The following DISP1 variants were observed in gnomAD, a reference collection of about 807,000 sequenced individuals.
The protein encoded by DISP1 is protein dispatched homolog 1.
A neutral mutation model predicts 37.3 loss-of-function variants in DISP1; 30 were observed. That is an observed-to-expected ratio of 0.80 (90% confidence interval 0.60 to 1.09). The LOEUF (loss-of-function observed/expected upper bound fraction) is 1.09, where lower values mean the gene tolerates loss of function less well. DISP1 is among the 50% of genes least tolerant of loss of function. The pLI, the probability that DISP1 is intolerant of heterozygous loss-of-function variation, is 0.00. For synonymous variants in DISP1, 634 were observed against 690.2 expected (o/e 0.92, Z 1.28); for missense variants, 1,598 against 1,879.5 (o/e 0.85, Z 2.77).
chr1:223,004,493 G>T lies in DISP1; in HGVS notation c.3096G>T (p.Trp1032Cys), dbSNP rs758139027. ...VTVGSLVLLG[W>C]ELNVLESVTI... Reference sequence around the variant, plus strand: ...TTGGTTCTCTTGTCCTGCTGGGCTGGGAGCTCAATGTGTTGGAATCTGTCA... The same window carrying T: ...TTGGTTCTCTTGTCCTGCTGGGCTGTGAGCTCAATGTGTTGGAATCTGTCA... Residue 1032 changes from tryptophan (W) to cysteine (C), a missense_variant, in exon 9 of 9, where the codon TGG (tryptophan) becomes TGT (cysteine). Transcript: ENST00000675850. This position sits in a 1 kb window ranked among gnomAD's most constrained non-coding sequence, Gnocchi z 4.9. 6.2e-7 allele frequency: 1 copy of T among 1,614,226 alleles called. No individual in the cohort carries two copies. Among genetic ancestry groups the T allele is most frequent in the Non-Finnish European group, 8.5e-7 (1 of 1,180,042 alleles).
At chr1:222,908,374 T>A (rs886185445) in intron 1 of DISP1, among the ~76,000 whole-genome samples, 74 of 152,044 alleles carry the variant, frequency 4.9e-4, no homozygotes, top group African/African-American at 1.6e-3. Context: ...TTAAAAAGGG[T>A]TGTGTGAGGA....
chr1:222,870,258 A>C (rs1005185525), intron 1 of DISP1, among the ~76,000 whole-genome samples: 1 of 152,174 alleles, frequency 6.6e-6, no homozygotes, highest in Non-Finnish European at 1.5e-5. Flanking sequence ...ATACGTGTGC[A>C]TGTGTCTTTA....
chr1:222,851,539 A>G (rs955590756), intron 1 of DISP1, among the ~76,000 whole-genome samples: 5 of 152,184 alleles, frequency 3.3e-5, no homozygotes, highest in Non-Finnish European at 7.4e-5. Context: ...GAAACTTTCT[A>G]TACAATAAAA....
At chr1:222,907,804 G>T (rs1216103678) in intron 1 of DISP1, among the ~76,000 whole-genome samples, 1 of 152,052 alleles carries the variant, frequency 6.6e-6, no homozygotes, top group Non-Finnish European at 1.5e-5. Flanking sequence ...ATAAAAATCA[G>T]CCAGGCATGG....
intron 1 of DISP1, among the ~76,000 whole-genome samples, chr1:222,914,742 T>C (rs1447759396): frequency 6.6e-6 from 1 of 152,132 alleles, no homozygotes; most frequent in Non-Finnish European, 1.5e-5. Flanking sequence ...GAGGATCTCT[T>C]GAGCCCAAGA....
intron 2 of DISP1, among the ~76,000 whole-genome samples, chr1:222,941,664 GA>G (rs1005674099): frequency 1.1e-4 from 17 of 152,086 alleles, no homozygotes; most frequent in Admixed American, 1.0e-3. Flanking sequence ...ATGTACATAG[GA>G]ATCCTCATGG....
chr1:222,976,053 A>G (rs1354363523), intron 3 of DISP1, among the ~76,000 whole-genome samples: 1 of 152,106 alleles, frequency 6.6e-6, no homozygotes, highest in Non-Finnish European at 1.5e-5. Context: ...CTAAAAACCT[A>G]ATCAAAGAAC....
chr1:222,921,782 A>T (rs1672820687), intron 1 of DISP1, among the ~76,000 whole-genome samples: 1 of 152,230 alleles, frequency 6.6e-6, no homozygotes, highest in African/African-American at 2.4e-5. Context: ...TTGACCTAGT[A>T]CATGGTATAA....
rs1037387281 is a variant in DISP1 at position 222,893,681 on chromosome 1, TGGAAGCTTGGAGATGCCA to T, written c.-158-34744_-158-34727del. ...TGGATGAGGGGAATGTGGTGGTGCC[TGGAAGCTTGGAGATGCCA>T]GGAACTGCAGAGCCCCAAAGAGAGT... On this transcript the variant is annotated intron_variant, in intron 1 of 8. Coordinates refer to ENST00000675850, the MANE Select transcript of DISP1 (RefSeq NM_001377229.1). This position sits in a 1 kb window ranked among gnomAD's most constrained non-coding sequence, Gnocchi z 4.3. Among the ~76,000 whole-genome samples, 9 of 152,202 alleles carry T rather than the reference TGGAAGCTTGGAGATGCCA, an allele frequency of 5.9e-5. No homozygotes were observed. Among genetic ancestry groups the T allele is most frequent in the African/African-American group, 2.2e-4 (9 of 41,450 alleles).
chr1:222,854,436 C>T (rs192263577), intron 1 of DISP1, among the ~76,000 whole-genome samples: 1 of 152,242 alleles, frequency 6.6e-6, no homozygotes, highest in African/African-American at 2.4e-5. Context: ...GAGACTCACT[C>T]TTTATCACGA....
At chr1:222,945,990 A>T (rs542281249) in intron 3 of DISP1, 2 of 152,308 alleles carry the variant, frequency 1.3e-5, no homozygotes, top group Admixed American at 1.3e-4. Context: ...CATTAACTTT[A>T]AAATTGCCAC....
At chr1:222,969,433 C>T in intron 3 of DISP1, among the ~76,000 whole-genome samples, 1 of 143,728 alleles carries the variant, frequency 7.0e-6, no homozygotes, top group Non-Finnish European at 1.5e-5. Flanking sequence ...TAATGCCTAT[C>T]CAAAAACCAT....
At chr1:222,935,941 T>C (rs1232844040) in intron 2 of DISP1, among the ~76,000 whole-genome samples, 1 of 152,192 alleles carries the variant, frequency 6.6e-6, no homozygotes, top group African/African-American at 2.4e-5. Context: ...CATAAAGACA[T>C]TTTGGTCAGT....
intron 3 of DISP1, among the ~76,000 whole-genome samples, chr1:222,966,653 G>A (rs1479490083): frequency 6.6e-6 from 1 of 152,254 alleles, no homozygotes; most frequent in African/African-American, 2.4e-5. Flanking sequence ...ATTGCCTCTG[G>A]GGACAGGGTA....
At chr1:222,936,737 A>T (rs1441472099) in intron 2 of DISP1, among the ~76,000 whole-genome samples, 34 of 98,296 alleles carry the variant, frequency 3.5e-4, no homozygotes, top group African/African-American at 1.4e-3. Flanking sequence ...GATATATAAA[A>T]ATTATATATC....
intron 3 of DISP1, among the ~76,000 whole-genome samples, chr1:222,962,443 T>C (rs760063337): frequency 6.6e-6 from 1 of 152,180 alleles, no homozygotes; most frequent in African/African-American, 2.4e-5. Context: ...AAATTTCATA[T>C]GGAATGAAAG....
intron 4 of DISP1, among the ~76,000 whole-genome samples, chr1:222,984,435 T>TATATATATAGAGAGAGAGAGAG (rs67660273): frequency 1.8e-5 from 2 of 108,370 alleles, no homozygotes; most frequent in East Asian, 2.6e-4. Context: ...TATATATATA[T>TATATATATAGAGAGAGAGAGAG]AGAGAGAGAG....
chr1:222,992,745 A>T (rs922527813), intron 7 of DISP1, among the ~76,000 whole-genome samples: 1 of 152,182 alleles, frequency 6.6e-6, no homozygotes, highest in African/African-American at 2.4e-5. Context: ...ATTGTGGAAC[A>T]CTAAGGAACA....
intron 3 of DISP1, among the ~76,000 whole-genome samples, chr1:222,972,752 C>G (rs750768898): frequency 6.6e-6 from 1 of 152,158 alleles, no homozygotes; most frequent in African/African-American, 2.4e-5. Context: ...CATTCATTCA[C>G]GTAATGTTTG....
Sources: allele counts gnomAD v4.1 joint callset (sites outside exome capture counted in the v4.1 genomes callset), GRCh38; gene constraint gnomAD v4.1.1; non-coding constraint Gnocchi (gnomAD v3.1); transcripts MANE v1.5; gene names NCBI Gene and HGNC (gene_info 2026-07-23, HGNC 2026-07-21).